WNT16: variants seen among roughly 807,000 people sequenced by gnomAD.
WNT16 encodes protein Wnt-16.
A neutral mutation model predicts 35.4 loss-of-function variants in WNT16; 20 were observed. The observed-to-expected ratio is 0.56, with a 90% CI of 0.40 to 0.82. The LOEUF (loss-of-function observed/expected upper bound fraction) is 0.82, where lower values mean the gene tolerates loss of function less well. Ranked by LOEUF, WNT16 falls within the 40% of genes least tolerant of loss-of-function variation. WNT16 has a pLI of 0.00. For synonymous variants in WNT16, 180 were observed against 179.2 expected (o/e 1.00, Z -0.03); for missense variants, 461 against 466.0 (o/e 0.99, Z 0.10).
In WNT16 at chr7:121,340,654, C is replaced by T. The variant is rs1793518269; in HGVS notation, c.*1309C>T. The T allele has an allele frequency of 6.6e-6, 1 of 152,146 alleles. No individual in the cohort carries two copies. The highest frequency in any genetic ancestry group is 1.5e-5 in the Non-Finnish European group (1 of 67,906). 9.4% of individuals were successfully genotyped at this position (152,146 alleles called of 1,614,324 possible). A position where few individuals can be genotyped will look rare whatever the true frequency, so the allele number is the denominator to read the frequency against. ...AAAAGTCTTAACTGGAAAAAAGAAT[C>T]TAAATCAGAATAGTGATCAATTTGT... On this transcript the variant is annotated 3_prime_UTR_variant, in exon 4 of 4. Coordinates refer to ENST00000222462, the MANE Select transcript of WNT16 (RefSeq NM_057168.2).
chr7:121,329,426 CA>C, intron 1 of WNT16, 39 bp downstream of exon 1: 2 of 1,600,098 alleles, frequency 1.2e-6, no homozygotes, highest in Non-Finnish European at 8.5e-7. Flanking sequence ...GGGTAGGTGG[CA>C]AAAGGGGTGC....
At chr7:121,328,196 T>C (rs1007991007), upstream of WNT16, among the ~76,000 whole-genome samples, 1 of 152,072 alleles carries the variant, frequency 6.6e-6, no homozygotes, top group Non-Finnish European at 1.5e-5. Flanking sequence ...TCAACTGAGG[T>C]TGGGGGAGAA....
chr7:121,325,370 C>T, upstream of WNT16: 10 of 1,593,834 alleles, frequency 6.3e-6, no homozygotes, highest in African/African-American at 1.4e-5. Context: ...CCCTCTCAGC[C>T]TGCAAAAACC....
chr7:121,325,571 C>A, upstream of WNT16: 2 of 1,313,726 alleles, frequency 1.5e-6, no homozygotes, highest in Non-Finnish European at 1.0e-6. Flanking sequence ...ACCATAGACA[C>A]CAGTAAAAAA....
chr7:121,325,960 T>C (rs1793238323), upstream of WNT16, among the ~76,000 whole-genome samples: 1 of 141,086 alleles, frequency 7.1e-6, no homozygotes, highest in Non-Finnish European at 1.5e-5. Flanking sequence ...GGATCGCTTG[T>C]GCCTGGGAGT....
intron 2 of WNT16, 109 bp downstream of exon 2, chr7:121,329,926 TC>T: frequency 7.1e-7 from 1 of 1,417,922 alleles, no homozygotes; most frequent in Non-Finnish European, 9.4e-7. Context: ...CTCTCTAAGT[TC>T]CAGAAGAAGC....
At chr7:121,328,147 C>T (rs939951913), upstream of WNT16, among the ~76,000 whole-genome samples, 11 of 152,160 alleles carry the variant, frequency 7.2e-5, no homozygotes, top group East Asian at 3.9e-4. Context: ...AGGGACGCAT[C>T]GGGTAGGTGG....
Position 121,339,532 on chromosome 7 carries a change from G to A in WNT16, c.*187G>A, listed in dbSNP as rs181639902. 6.0e-5 allele frequency: 33 copies of A among 552,422 alleles called. No homozygotes were observed. The highest frequency in any genetic ancestry group is 5.0e-4 in the Admixed American group (16 of 32,192). 34.2% of individuals were successfully genotyped at this position (552,422 alleles called of 1,614,324 possible). On this transcript the variant is annotated 3_prime_UTR_variant, in exon 4 of 4. Coordinates refer to ENST00000222462, the MANE Select transcript of WNT16 (RefSeq NM_057168.2). The stretch of plus-strand genomic sequence containing the variant: ...TTTATCTGATCAACCCATCAATCAT[G>A]TGGATTTCTTGGGATTCTAATGTTG...
At position 121,329,575 on chromosome 7, in the gene WNT16, G is replaced by T. The variant is rs1562874716; in HGVS notation, c.104G>T (p.Gly35Val). 1.2e-5 allele frequency: 19 copies of T among 1,614,242 alleles called. No homozygotes were observed. The highest frequency in any genetic ancestry group is 1.5e-5 in the Non-Finnish European group (18 of 1,180,030). ...GCGGCCGTGTCTTACAGGTGGTTGGGCATTGCCTCCTTCGGGGTTCCAGAG... is the reference window on the plus strand; with the variant it reads ...GCGGCCGTGTCTTACAGGTGGTTGGTCATTGCCTCCTTCGGGGTTCCAGAG... Reference protein sequence around the residue: ...YGAQGNWMWLGIASFGVPEKL... With the variant: ...YGAQGNWMWLVIASFGVPEKL... The change falls in exon 2 of 4, where the codon GGC (glycine) becomes GTC (valine). Residue 35 changes from glycine to valine, a missense_variant. Physicochemically the swap from Gly to Val is moderately radical, Grantham distance 109. Transcript: ENST00000222462.
In WNT16 at chr7:121,339,178, A is replaced by C. The variant is rs1793488966; in HGVS notation, c.931A>C (p.Asn311His). 1.2e-6 allele frequency: 2 copies of C among 1,614,256 alleles called. No individual in the cohort carries two copies. The highest frequency in any genetic ancestry group is 1.7e-6 in the Non-Finnish European group (2 of 1,180,038). The change falls in exon 4 of 4, where the codon AAC becomes CAC. Residue 311 changes from asparagine (N) to histidine (H), a missense_variant. Physicochemically the swap from Asn to His is moderately conservative, Grantham distance 68. Coordinates refer to ENST00000222462, the MANE Select transcript of WNT16 (RefSeq NM_057168.2). Reference sequence around the variant, plus strand: ...CCCAGGGACACAAGGCAGAGAATGCAACCGTACATCAGAGGGTGCAGATGG... The same window carrying C: ...CCCAGGGACACAAGGCAGAGAATGCCACCGTACATCAGAGGGTGCAGATGG... ...GIPGTQGREC[N>H]RTSEGADGCN...
In WNT16 at chr7:121,331,747, G is replaced by C; in HGVS notation, c.416G>C (p.Cys139Ser). The C allele has an allele frequency of 6.2e-7, 1 of 1,614,218 alleles. No homozygotes were observed. The highest frequency in any genetic ancestry group is 1.1e-5 in the South Asian group (1 of 91,088). ...AGLVHSVTRSCSAGNMTECSC... is the reference protein window; with the variant it reads ...AGLVHSVTRSSSAGNMTECSC... ...CTGGTGCATTCTGTGACCAGGTCATGCAGTGCAGGCAACATGACAGAGTGT... is the reference window on the plus strand; with the variant it reads ...CTGGTGCATTCTGTGACCAGGTCATCCAGTGCAGGCAACATGACAGAGTGT... The change falls in exon 3 of 4, where the codon TGC (cysteine) becomes TCC (serine). Residue 139 changes from cysteine (C) to serine (S), a missense_variant. By Grantham distance (112) the Cys-to-Ser change is moderately radical (BLOSUM62 -1). Transcript: ENST00000222462.
intron 3 of WNT16, among the ~76,000 whole-genome samples, chr7:121,338,073 T>C (rs908927685): frequency 1.3e-5 from 2 of 152,230 alleles, no homozygotes; most frequent in Non-Finnish European, 2.9e-5. Context: ...GTTTCTCATG[T>C]GGCCTGGAAC....
intron 3 of WNT16, among the ~76,000 whole-genome samples, chr7:121,332,248 G>GTGTGTA (rs1211574293): frequency 2.6e-5 from 4 of 151,972 alleles, no homozygotes; most frequent in African/African-American, 9.7e-5. Context: ...GTGTGTGTGT[G>GTGTGTA]TGTGTATACA....
At chr7:121,332,301 T>C (rs1793363505) in intron 3 of WNT16, among the ~76,000 whole-genome samples, 1 of 152,214 alleles carries the variant, frequency 6.6e-6, no homozygotes, top group African/African-American at 2.4e-5. Context: ...CAAATATGTA[T>C]ATACCCTTTC....
At position 121,340,456 on chromosome 7, in the gene WNT16, G is replaced by A. The variant is rs1370601947; in HGVS notation, c.*1111G>A. The stretch of plus-strand genomic sequence containing the variant: ...ACATCGAAGAGAATTTAACTTAGCA[G>A]TTAGTTATATGGATGTGTATTTCTT... On this transcript the variant is annotated 3_prime_UTR_variant, in exon 4 of 4. Coordinates refer to ENST00000222462, the MANE Select transcript of WNT16 (RefSeq NM_057168.2). 6.6e-6 allele frequency: 1 copy of A among 151,844 alleles called. No individual in the cohort carries two copies. The highest frequency in any genetic ancestry group is 1.5e-5 in the Non-Finnish European group (1 of 67,920). 9.4% of individuals were successfully genotyped at this position (151,844 alleles called of 1,614,324 possible). A position where few individuals can be genotyped will look rare whatever the true frequency, so the allele number is the denominator to read the frequency against.
In WNT16 at chr7:121,332,085, G is replaced by A. The variant is rs990243822; in HGVS notation, c.633+121G>A. The A allele has an allele frequency of 1.4e-5, 16 of 1,168,970 alleles. No homozygotes were observed. In the Admixed American group the frequency reaches 1.9e-4, roughly 14 times the overall value. The allele number at this position is 1,168,970 out of a possible 1,614,324, so 72.4% of individuals were successfully genotyped here. On this transcript the variant is annotated intron_variant, in intron 3 of 3. Coordinates refer to ENST00000222462, the MANE Select transcript of WNT16 (RefSeq NM_057168.2). Reference sequence around the variant, plus strand: ...CCAAACACTGGCAGCCCTCAAGTGGGATCCTGAAAATTAATATTGTTTTTA... The same window carrying A: ...CCAAACACTGGCAGCCCTCAAGTGGAATCCTGAAAATTAATATTGTTTTTA...
chr7:121,326,880 C>T (rs973559672), upstream of WNT16, among the ~76,000 whole-genome samples: 1 of 152,080 alleles, frequency 6.6e-6, no homozygotes, highest in Admixed American at 6.5e-5. Context: ...CACCCCCAAC[C>T]CGGAGATTGC....
Position 121,339,154 on chromosome 7 carries a change from C to A in WNT16, c.907C>A (p.Pro303Thr), listed in dbSNP as rs767969036. Residue 303 changes from proline (P) to threonine (T), a missense_variant, in exon 4 of 4, where the codon CCA becomes ACA. Coordinates refer to ENST00000222462, the MANE Select transcript of WNT16 (RefSeq NM_057168.2). ...YCVEDKKLGIPGTQGRECNRT... is the reference protein window; with the variant it reads ...YCVEDKKLGITGTQGRECNRT... Reference sequence around the variant, plus strand: ...TGTAGAAGATAAGAAACTGGGAATCCCAGGGACACAAGGCAGAGAATGCAA... The same window carrying A: ...TGTAGAAGATAAGAAACTGGGAATCACAGGGACACAAGGCAGAGAATGCAA... 6.2e-7 allele frequency: 1 copy of A among 1,613,958 alleles called. No individual in the cohort carries two copies. The highest frequency in any genetic ancestry group is 1.3e-5 in the African/African-American group (1 of 74,882).
intron 3 of WNT16, among the ~76,000 whole-genome samples, chr7:121,332,353 T>G (rs902621969): frequency 4.6e-5 from 7 of 152,188 alleles, no homozygotes; most frequent in Admixed American, 4.6e-4. Context: ...CTAACTGATA[T>G]GAGTTAAACC....
Sources: gnomAD v4.1 joint callset for allele counts (sites outside exome capture counted in the v4.1 genomes callset) on GRCh38, gnomAD v4.1.1 for gene constraint, MANE v1.5 for transcripts, NCBI Gene and HGNC (gene_info 2026-07-23, HGNC 2026-07-21) for gene names.